RHOBTB1: variants seen among roughly 807,000 people sequenced by gnomAD.
RHOBTB1 encodes the protein Rho related BTB domain containing 1, also known as rho-related BTB domain-containing protein 1.
In RHOBTB1, 40 loss-of-function variants were observed where a neutral mutation model predicts 71.6. The ratio of observed to expected loss-of-function variants is 0.56; its 90% CI spans 0.43 to 0.73. The LOEUF is 0.73. Among genes scored for constraint, RHOBTB1 ranks in the 30% least tolerant of loss-of-function variants. The probability of loss-of-function intolerance (pLI) is 0.00; values close to 1 mark genes in which losing one functional copy is unlikely to be tolerated. For missense variants in RHOBTB1, 797 were observed against 894.0 expected (o/e 0.89, Z 1.38); for synonymous variants, 319 against 334.9 (o/e 0.95, Z 0.52).
intron 2 of RHOBTB1, among the ~76,000 whole-genome samples, chr10:60,960,781 G>A (rs187483764): frequency 1.2e-4 from 18 of 152,310 alleles, no homozygotes; most frequent in African/African-American, 4.3e-4. Flanking sequence ...TTTGATGTCA[G>A]TGGGTGCTGC....
chr10:60,934,143 T>C (rs2084427612), intron 2 of RHOBTB1, among the ~76,000 whole-genome samples: 1 of 152,198 alleles, frequency 6.6e-6, no homozygotes, highest in South Asian at 2.1e-4. Flanking sequence ...AATATCTTTG[T>C]GTGTGAGAAA....
chr10:60,871,700 T>C, intron 10 of RHOBTB1, 49 bp from the exon 11 acceptor site: 2 of 1,548,446 alleles, frequency 1.3e-6, no homozygotes, highest in Non-Finnish European at 1.8e-6. Flanking sequence ...CATTGATGCC[T>C]TTTATGTGCT....
At chr10:60,946,606 T>G (rs1391266550), upstream of RHOBTB1, among the ~76,000 whole-genome samples, 1 of 152,222 alleles carries the variant, frequency 6.6e-6, no homozygotes, top group Non-Finnish European at 1.5e-5. Flanking sequence ...TGCCAAAGTC[T>G]TATTTTATCA....
chr10:60,913,885 A>T (rs959920446), intron 2 of RHOBTB1, among the ~76,000 whole-genome samples: 18 of 152,140 alleles, frequency 1.2e-4, no homozygotes, highest in African/African-American at 4.3e-4. Flanking sequence ...AAAAATACTC[A>T]TCTCCTAAGG....
intron 1 of RHOBTB1, among the ~76,000 whole-genome samples, chr10:60,993,854 A>G (rs184254712): frequency 1.5e-4 from 23 of 152,194 alleles, no homozygotes; most frequent in Non-Finnish European, 2.4e-4. Flanking sequence ...GAGCATTAAA[A>G]TTTATAATTC....
intron 1 of RHOBTB1, among the ~76,000 whole-genome samples, chr10:60,986,446 C>CTATATATATATATATATAAT: frequency 9.2e-6 from 1 of 108,294 alleles, no homozygotes; most frequent in African/African-American, 3.7e-5. Context: ...ATATATAGGC[C>CTATATATATATATATATAAT]ATATATACTG....
intron 4 of RHOBTB1, among the ~76,000 whole-genome samples, chr10:60,909,860 G>A (rs1209425459): frequency 6.6e-6 from 1 of 152,156 alleles, no homozygotes; most frequent in Non-Finnish European, 1.5e-5. Context: ...TTCAGTGTGT[G>A]AAATAATTCC....
intron 2 of RHOBTB1, among the ~76,000 whole-genome samples, chr10:60,967,998 G>A (rs2086028737): frequency 6.6e-6 from 1 of 152,020 alleles, no homozygotes; most frequent in Admixed American, 6.6e-5. Flanking sequence ...TGGAGGGAAA[G>A]AAGGGAGCAG....
At chr10:60,970,333 C>A (rs1288656089) in intron 2 of RHOBTB1, among the ~76,000 whole-genome samples, 2 of 152,072 alleles carry the variant, frequency 1.3e-5, no homozygotes, top group Non-Finnish European at 2.9e-5. Context: ...CATAACTAAA[C>A]CCTGCTCTCT....
chr10:60,995,547 A>G (rs982068916), intron 1 of RHOBTB1, among the ~76,000 whole-genome samples: 1 of 152,206 alleles, frequency 6.6e-6, no homozygotes, highest in Admixed American at 6.5e-5. Context: ...GATTAATTTA[A>G]ATATTGGCCA....
At chr10:60,862,160 CT>C in the RHOBTB1 span, among the ~76,000 whole-genome samples, 1 of 146,680 alleles carries the variant, frequency 6.8e-6, no homozygotes, top group African/African-American at 2.5e-5. Flanking sequence ...TTTTTCTTTC[CT>C]CTCTCTCTTT....
At chr10:60,968,423 GT>G (rs953773621) in intron 2 of RHOBTB1, among the ~76,000 whole-genome samples, 7 of 152,058 alleles carry the variant, frequency 4.6e-5, no homozygotes, top group Non-Finnish European at 8.8e-5. Flanking sequence ...AAAATAACAA[GT>G]TTTTAGTGTT....
At chr10:60,991,452 A>G (rs1294518174) in intron 1 of RHOBTB1, among the ~76,000 whole-genome samples, 5 of 138,530 alleles carry the variant, frequency 3.6e-5, no homozygotes, top group South Asian at 2.3e-4. Flanking sequence ...TTTTTTTGAG[A>G]CAGAATCTTG....
intron 2 of RHOBTB1, among the ~76,000 whole-genome samples, chr10:60,925,570 A>C (rs2083823345): frequency 6.6e-6 from 1 of 152,164 alleles, no homozygotes; most frequent in Admixed American, 6.5e-5. Flanking sequence ...AGAAGAATTA[A>C]TAAAGATCGG....
chr10:60,893,716 A>G (rs1429960314), intron 4 of RHOBTB1, among the ~76,000 whole-genome samples: 3 of 152,252 alleles, frequency 2.0e-5, no homozygotes, highest in African/African-American at 4.8e-5. Context: ...CAAAGCAGGT[A>G]TATGGGGAAA....
At chr10:60,890,428 C>A (rs982342575) in intron 5 of RHOBTB1, among the ~76,000 whole-genome samples, 1 of 152,052 alleles carries the variant, frequency 6.6e-6, no homozygotes, top group African/African-American at 2.4e-5. Flanking sequence ...AAAGTCCATA[C>A]CCTTTAGGCT....
chr10:60,899,865 G>T (rs921894314), intron 4 of RHOBTB1, among the ~76,000 whole-genome samples: 2 of 152,190 alleles, frequency 1.3e-5, no homozygotes, highest in Non-Finnish European at 2.9e-5. Context: ...AGGGAAAGGG[G>T]ACAGAGATAT....
chr10:60,932,369 C>T (rs2084304834), intron 2 of RHOBTB1, among the ~76,000 whole-genome samples: 1 of 151,408 alleles, frequency 6.6e-6, no homozygotes, highest in South Asian at 2.1e-4. Flanking sequence ...GGGTGGTGAC[C>T]AGAAGTAGGG....
At chr10:60,899,706 G>C (rs2133037779) in intron 4 of RHOBTB1, among the ~76,000 whole-genome samples, 1 of 152,302 alleles carries the variant, frequency 6.6e-6, no homozygotes, top group East Asian at 1.9e-4. Context: ...CATTCTTCTA[G>C]ACATTGGGGA....
Sources: allele counts gnomAD v4.1 joint callset (sites outside exome capture counted in the v4.1 genomes callset), GRCh38; gene constraint gnomAD v4.1.1; transcripts MANE v1.5; gene names NCBI Gene and HGNC (gene_info 2026-07-23, HGNC 2026-07-21).